MAPK8: variants seen among roughly 807,000 people sequenced by gnomAD.
The protein encoded by MAPK8 is mitogen-activated protein kinase 8, also known as JUN N-terminal kinase.
A neutral mutation model predicts 52.9 loss-of-function variants in MAPK8; 13 were observed. The ratio of observed to expected loss-of-function variants is 0.25; its 90% CI spans 0.16 to 0.39. The LOEUF (loss-of-function observed/expected upper bound fraction) is 0.39. MAPK8 is among the 10% of genes least tolerant of loss of function. The pLI is 1.00. For synonymous variants in MAPK8, 191 were observed against 169.8 expected (o/e 1.12, Z -0.97); for missense variants, 300 against 519.2 (o/e 0.58, Z 4.10).
chr10:48,385,813 T>TGGTTATCATAATCAAA (rs1398112057), intron 1 of MAPK8, among the ~76,000 whole-genome samples: 75 of 152,338 alleles, frequency 4.9e-4, no homozygotes, highest in African/African-American at 1.8e-3. Context: ...ATAGTAGTTT[T>TGGTTATCATAATCAAA]TGCCCCATCT....
At chr10:48,353,780 GT>G (rs1397705529) in intron 1 of MAPK8, among the ~76,000 whole-genome samples, 1 of 152,198 alleles carries the variant, frequency 6.6e-6, no homozygotes, top group East Asian at 1.9e-4. Context: ...AGTCACATAT[GT>G]ATGACTGCAT....
At chr10:48,365,122 T>G (rs1238701466) in intron 1 of MAPK8, among the ~76,000 whole-genome samples, 2 of 152,196 alleles carry the variant, frequency 1.3e-5, no homozygotes, top group African/African-American at 4.8e-5. Context: ...ACAATTTGTC[T>G]TTATAAAATC....
chr10:48,434,981 A>G lies in MAPK8; in HGVS notation c.1236A>G (p.Thr412=). 6.4e-7 allele frequency: 1 copy of G among 1,565,196 alleles called. No individual in the cohort carries two copies. The highest frequency in any genetic ancestry group is 8.7e-7 in the Non-Finnish European group (1 of 1,149,986). Residue 412 remains threonine (T), a synonymous_variant, in exon 12 of 12, where the codon ACA becomes ACG. Transcript: ENST00000374189. ...CAGATCCGACTTTGGCCTCTGATACAGACAGCAGTCTAGAAGCAGCAGCTG... is the reference window on the plus strand; with the variant it reads ...CAGATCCGACTTTGGCCTCTGATACGGACAGCAGTCTAGAAGCAGCAGCTG... ...MSTDPTLASD[T]DSSLEAAAGP... is the part of the protein sequence containing the mutation.
chr10:48,407,469 CT>C (rs1351818102), intron 3 of MAPK8, among the ~76,000 whole-genome samples: 1 of 152,102 alleles, frequency 6.6e-6, no homozygotes, highest in Non-Finnish European at 1.5e-5. Flanking sequence ...ATTGTTACTT[CT>C]TTTGAAGTAG....
At chr10:48,323,710 A>C (rs945912734) in intron 1 of MAPK8, among the ~76,000 whole-genome samples, 1 of 152,198 alleles carries the variant, frequency 6.6e-6, no homozygotes, top group Non-Finnish European at 1.5e-5. Context: ...TTGAGGAAAA[A>C]TGGTATATCT....
intron 1 of MAPK8, among the ~76,000 whole-genome samples, chr10:48,327,336 T>TA (rs1457315854): frequency 3.3e-5 from 5 of 152,234 alleles, no homozygotes; most frequent in Non-Finnish European, 5.9e-5. Context: ...CATCCATTGA[T>TA]ATGACCATTT....
chr10:48,415,582 A>G (rs895667147), intron 5 of MAPK8, among the ~76,000 whole-genome samples: 7 of 152,224 alleles, frequency 4.6e-5, no homozygotes, highest in African/African-American at 1.4e-4. Flanking sequence ...GCTAACTTCA[A>G]AAGGCTGAAG....
In MAPK8 at chr10:48,425,072, C is replaced by T. The variant is rs1349152867; in HGVS notation, c.689-816C>T. On this transcript the variant is annotated intron_variant, in intron 7 of 11. Transcript: ENST00000374189. Reference sequence around the variant, plus strand: ...CAGCAGTAGTAGTTTTGTATGGTAACGATAGCTTTGGATTCATACTTTTTG... The same window carrying T: ...CAGCAGTAGTAGTTTTGTATGGTAATGATAGCTTTGGATTCATACTTTTTG... The T allele has an allele frequency of 3.5e-5, 23 of 658,396 alleles. No individual in the cohort carries two copies. The East Asian group carries it at 3.9e-4, about 11-fold the overall frequency. The allele number at this position is 658,396 out of a possible 1,614,324, so 40.8% of individuals were successfully genotyped here.
intron 5 of MAPK8, among the ~76,000 whole-genome samples, chr10:48,413,815 T>TTACATA (rs1554832943): frequency 1.7e-4 from 8 of 48,378 alleles, no homozygotes; most frequent in Non-Finnish European, 3.5e-4. Flanking sequence ...GCCAGAATTG[T>TTACATA]TATATATATA....
intron 1 of MAPK8, among the ~76,000 whole-genome samples, chr10:48,319,550 C>G (rs766671607): frequency 5.9e-5 from 9 of 152,056 alleles, no homozygotes; most frequent in Admixed American, 2.0e-4. Flanking sequence ...AGTGCAGTGG[C>G]GTGATCCCGG....
intron 1 of MAPK8, among the ~76,000 whole-genome samples, chr10:48,346,418 G>C (rs1478652545): frequency 1.3e-5 from 2 of 152,250 alleles, no homozygotes; most frequent in Non-Finnish European, 2.9e-5. Context: ...CCCGGACAGG[G>C]CCACCAGAGG....
At chr10:48,321,463 G>A (rs990283653) in intron 1 of MAPK8, among the ~76,000 whole-genome samples, 23 of 152,162 alleles carry the variant, frequency 1.5e-4, no homozygotes, top group African/African-American at 3.1e-4. Flanking sequence ...TGTTTCAGAG[G>A]TAGTCTTTTT....
At chr10:48,310,729 T>TTGTGTG (rs111302388) in intron 1 of MAPK8, among the ~76,000 whole-genome samples, 70 of 149,132 alleles carry the variant, frequency 4.7e-4, no homozygotes, top group Admixed American at 2.9e-3. Flanking sequence ...GTTTTTAAAA[T>TTGTGTG]TGTGTGTGTG....
chr10:48,313,564 C>T (rs1245621148), intron 1 of MAPK8, among the ~76,000 whole-genome samples: 1 of 152,242 alleles, frequency 6.6e-6, no homozygotes, highest in Non-Finnish European at 1.5e-5. Flanking sequence ...GGTTTTACCA[C>T]CAAATACGTT....
Position 48,367,902 on chromosome 10 carries a change from A to G in MAPK8, c.-49-33710A>G, listed in dbSNP as rs1056983362. 2.0e-5 allele frequency among the ~76,000 whole-genome samples: 3 copies of G among 152,186 alleles called. No individual in the cohort carries two copies. The East Asian group carries it at 5.8e-4, about 29-fold the overall frequency. Reference sequence around the variant, plus strand: ...AAGCTTAATATGGTCCAGGAATAAAACATTCAACTGGATGGGCTTTGTTCT... The same window carrying G: ...AAGCTTAATATGGTCCAGGAATAAAGCATTCAACTGGATGGGCTTTGTTCT... On this transcript the variant is annotated intron_variant, in intron 1 of 11. Transcript: ENST00000374189.
intron 1 of MAPK8, among the ~76,000 whole-genome samples, chr10:48,331,322 G>A (rs1844122304): frequency 6.6e-6 from 1 of 152,184 alleles, no homozygotes; most frequent in Admixed American, 6.5e-5. Flanking sequence ...AACCTCATTG[G>A]ATAGGGAGGA....
At position 48,422,005 on chromosome 10, in the gene MAPK8, TCTTA is replaced by T. The variant is rs1384653748; in HGVS notation, c.616+1686_616+1689del. Among the ~76,000 whole-genome samples, 509 of 107,984 alleles carry T rather than the reference TCTTA, an allele frequency of 4.7e-3. 1 individual carries two copies. The highest frequency in any genetic ancestry group is 0.011 in the African/African-American group (309 of 28,492). 70.8% of individuals were successfully genotyped at this position (107,984 alleles called of 152,430 possible). A position where few individuals can be genotyped will look rare whatever the true frequency, so the allele number is the denominator to read the frequency against. On this transcript the variant is annotated intron_variant, in intron 6 of 11. Transcript: ENST00000374189. Reference sequence around the variant, plus strand: ...TGACACCTCACACTCATTTTATTTATCTTATTTATTTATTTATTTATTTATTTAT... The same window carrying T: ...TGACACCTCACACTCATTTTATTTATTTTATTTATTTATTTATTTATTTAT...
chr10:48,389,854 C>T (rs2041526011), intron 1 of MAPK8, among the ~76,000 whole-genome samples: 1 of 151,900 alleles, frequency 6.6e-6, no homozygotes, highest in African/African-American at 2.4e-5. Flanking sequence ...AGAGAGTGTG[C>T]TTAAAGGGGA....
chr10:48,356,962 G>C (rs914141488), intron 1 of MAPK8, among the ~76,000 whole-genome samples: 1 of 145,666 alleles, frequency 6.9e-6, no homozygotes, highest in Non-Finnish European at 1.5e-5. Flanking sequence ...AAGATATATC[G>C]TGCAAATACT....
Sources: gnomAD v4.1 joint callset for allele counts (sites outside exome capture counted in the v4.1 genomes callset) on GRCh38, gnomAD v4.1.1 for gene constraint, MANE v1.5 for transcripts, NCBI Gene and HGNC (gene_info 2026-07-23, HGNC 2026-07-21) for gene names.